Variants in EPHA5 observed in about 807,000 individuals in gnomAD.
EPHA5 encodes the protein EPH receptor A5, also known as ephrin type-A receptor 5.
A neutral mutation model predicts 105.0 loss-of-function variants in EPHA5; 60 were observed. That is an observed-to-expected ratio of 0.57 (90% CI 0.46 to 0.71). The LOEUF is 0.71. EPHA5 is among the 30% of genes least tolerant of loss of function. The pLI is 0.00. For synonymous variants in EPHA5, 513 were observed against 449.1 expected (o/e 1.14, Z -1.80); for missense variants, 1,218 against 1,274.7 (o/e 0.96, Z 0.68).
intron 11 of EPHA5, 122 bp downstream of exon 11, chr4:65,364,895 A>G (rs1717709597): frequency 1.4e-6 from 1 of 711,200 alleles, no homozygotes; most frequent in Admixed American, 3.4e-5. Context: ...AATACAGGAT[A>G]AACATTAATA....
intron 8 of EPHA5, among the ~76,000 whole-genome samples, chr4:65,394,908 G>C (rs1010457350): frequency 6.6e-6 from 1 of 152,024 alleles, no homozygotes; most frequent in African/African-American, 2.4e-5. Context: ...GCAGGTTTTA[G>C]CACCTACCCT....
chr4:65,481,162 T>G (rs4640717), intron 5 of EPHA5, among the ~76,000 whole-genome samples: 26,220 of 152,084 alleles, frequency 0.17, 2,546 homozygotes, highest in African/African-American at 0.24. Flanking sequence ...ATGCACTTCA[T>G]AGTTTAAAGA....
rs533370990 is a variant in EPHA5, at chr4:65,500,401, C to T, written c.911-4858G>A. On this transcript the variant is annotated intron_variant, in intron 3 of 16. Coordinates refer to ENST00000613740, the MANE Select transcript of EPHA5 (RefSeq NM_001281766.3). Reference sequence around the variant, plus strand: ...TGAAGGCTCGTTTTTTAAATGCAACCATTTCCATAGTATATATGCTAATCT... The same window carrying T: ...TGAAGGCTCGTTTTTTAAATGCAACTATTTCCATAGTATATATGCTAATCT... Among the ~76,000 whole-genome samples the T allele has an allele frequency of 4.0e-5, 6 of 151,078 alleles. No individual in the cohort carries two copies. In the South Asian group the frequency reaches 1.3e-3, roughly 32 times the overall value.
chr4:65,339,902 G>A (rs1247495769), intron 14 of EPHA5, among the ~76,000 whole-genome samples: 1 of 152,172 alleles, frequency 6.6e-6, no homozygotes. Context: ...GGTCCACACA[G>A]ACAGTGGCCC....
At chr4:65,378,581 C>A (rs1349437276) in intron 8 of EPHA5, among the ~76,000 whole-genome samples, 1 of 151,872 alleles carries the variant, frequency 6.6e-6, no homozygotes, top group African/African-American at 2.4e-5. Flanking sequence ...TTTGTAATTA[C>A]AATTTTATTG....
Position 65,346,194 on chromosome 4 carries a change from T to C in EPHA5, c.2595+1860A>G, listed in dbSNP as rs190723232. Among the ~76,000 whole-genome samples the C allele has an allele frequency of 7.5e-3, 1,139 of 152,182 alleles. 9 individuals are homozygous for C. Among genetic ancestry groups the C allele is most frequent in the African/African-American group, 0.026 (1,081 of 41,542 alleles). On this transcript the variant is annotated intron_variant, in intron 14 of 16. Transcript: ENST00000613740. ...AATGTATCTTGCCAAATCTTATGCT[T>C]TGCCTATTGTTTCTATTTTTCTTAA...
At chr4:65,439,655 G>T (rs942200837) in intron 5 of EPHA5, among the ~76,000 whole-genome samples, 5 of 151,806 alleles carry the variant, frequency 3.3e-5, no homozygotes, top group African/African-American at 1.2e-4. Flanking sequence ...CAGACGACAG[G>T]GTATTTTAAT....
chr4:65,421,734 G>A (rs951382429), intron 5 of EPHA5, among the ~76,000 whole-genome samples: 19 of 152,056 alleles, frequency 1.2e-4, no homozygotes, highest in African/African-American at 4.3e-4. Context: ...TATGCTTCAT[G>A]AAGGCAGGAA....
chr4:65,482,853 A>G (rs541337673), intron 5 of EPHA5, among the ~76,000 whole-genome samples: 3 of 53,356 alleles, frequency 5.6e-5, no homozygotes, highest in Non-Finnish European at 7.4e-5. Flanking sequence ...TTTTTTTTTT[A>G]GAGGATCTTT....
At chr4:65,654,153 T>A (rs1423574491) in intron 1 of EPHA5, among the ~76,000 whole-genome samples, 1 of 151,568 alleles carries the variant, frequency 6.6e-6, no homozygotes, top group Non-Finnish European at 1.5e-5. Context: ...CATAACACCA[T>A]GAACATGAGA....
chr4:65,484,956 T>A (rs1730739848), intron 5 of EPHA5, among the ~76,000 whole-genome samples: 1 of 151,954 alleles, frequency 6.6e-6, no homozygotes, highest in East Asian at 1.9e-4. Context: ...AACAGAAGTG[T>A]TGTCATGTAA....
chr4:65,372,067 G>T lies in EPHA5; in HGVS notation c.1794-4643C>A, dbSNP rs189687108. On this transcript the variant is annotated intron_variant, in intron 8 of 16. Transcript: ENST00000613740. ...AAATAAACACTCTTAATTTAGCCTC[G>T]TTTAAAGCCACATTTCTTCACATAT... is the stretch of plus-strand genomic sequence containing the variant. 2.0e-5 allele frequency among the ~76,000 whole-genome samples: 3 copies of T among 151,926 alleles called. No individual in the cohort carries two copies. In the East Asian group the frequency reaches 5.8e-4, roughly 30 times the overall value.
rs1719672500 is a variant in EPHA5 at position 65,321,970 on chromosome 4, C to T, written c.*2144G>A. 4 of 225,820 alleles carry T rather than the reference C, an allele frequency of 1.8e-5. No individual in the cohort carries two copies. Among genetic ancestry groups the T allele is most frequent in the Admixed American group, 1.1e-4 (2 of 17,460 alleles). 14.0% of individuals were successfully genotyped at this position (225,820 alleles called of 1,614,324 possible). On this transcript the variant is annotated 3_prime_UTR_variant, in exon 17 of 17. Transcript: ENST00000613740. The stretch of plus-strand genomic sequence containing the variant: ...AAAATTCAATAAAGTGCCACATAAT[C>T]ATCATTTATTTTGTACAAAAGTAAT...
intron 7 of EPHA5, among the ~76,000 whole-genome samples, chr4:65,413,171 A>G (rs1402334374): frequency 6.6e-6 from 1 of 152,256 alleles, no homozygotes; most frequent in African/African-American, 2.4e-5. Flanking sequence ...TAAATCTAGT[A>G]AGAAAAGAAA....
At chr4:65,325,956 A>G (rs937683607) in intron 16 of EPHA5, among the ~76,000 whole-genome samples, 19 of 150,298 alleles carry the variant, frequency 1.3e-4, no homozygotes, top group Middle Eastern at 3.4e-3. Context: ...TGTCATTGTC[A>G]ATTTCCCCTT....
chr4:65,363,766 A>T (rs1717571706), intron 11 of EPHA5, among the ~76,000 whole-genome samples: 1 of 151,530 alleles, frequency 6.6e-6, no homozygotes, highest in Admixed American at 6.6e-5. Context: ...CTTCTACGGT[A>T]TCTATCGACA....
chr4:65,520,464 TG>T (rs1388766775), intron 3 of EPHA5, among the ~76,000 whole-genome samples: 1 of 152,194 alleles, frequency 6.6e-6, no homozygotes, highest in Non-Finnish European at 1.5e-5. Context: ...GTCATGGTCA[TG>T]GGCAAGGACT....
At chr4:65,518,423 A>C (rs1356772111) in intron 3 of EPHA5, among the ~76,000 whole-genome samples, 2 of 151,902 alleles carry the variant, frequency 1.3e-5, no homozygotes, top group Non-Finnish European at 2.9e-5. Flanking sequence ...ATATTCACAC[A>C]CACACACACA....
intron 3 of EPHA5, among the ~76,000 whole-genome samples, chr4:65,570,955 A>T (rs1357251046): frequency 6.6e-6 from 1 of 151,990 alleles, no homozygotes; most frequent in African/African-American, 2.4e-5. Context: ...TGGGCATAAT[A>T]TGACCAGAAG....
Sources: allele counts gnomAD v4.1 joint callset (sites outside exome capture counted in the v4.1 genomes callset), GRCh38; gene constraint gnomAD v4.1.1; transcripts MANE v1.5; gene names NCBI Gene and HGNC (gene_info 2026-07-23, HGNC 2026-07-21).